PDLIM5: variants seen among roughly 807,000 people sequenced by gnomAD.
PDLIM5 encodes PDZ and LIM domain 5, also known as PDZ and LIM domain protein 5.
A neutral mutation model predicts 64.2 loss-of-function variants in PDLIM5; 34 were observed. That is an observed-to-expected ratio of 0.53 (90% CI 0.40 to 0.71). PDLIM5 has a LOEUF of 0.71. Ranked by LOEUF, PDLIM5 falls within the 30% of genes least tolerant of loss-of-function variation. PDLIM5 has a pLI of 0.00. For missense variants in PDLIM5, 683 were observed against 733.6 expected (o/e 0.93, Z 0.80); for synonymous variants, 253 against 269.1 (o/e 0.94, Z 0.59).
At chr4:94,479,892 C>T (rs1220335605) in intron 2 of PDLIM5, among the ~76,000 whole-genome samples, 1 of 152,044 alleles carries the variant, frequency 6.6e-6, no homozygotes, top group Non-Finnish European at 1.5e-5. Context: ...GTCTAATTTT[C>T]AAGGTTCTGT....
chr4:94,473,703 C>T (rs1234147565), intron 2 of PDLIM5, among the ~76,000 whole-genome samples: 3 of 152,262 alleles, frequency 2.0e-5, no homozygotes, highest in Admixed American at 2.0e-4. Flanking sequence ...TTTTGGTAAG[C>T]AGTAAATATT....
At chr4:94,504,196 A>G (rs533982363) in intron 2 of PDLIM5, among the ~76,000 whole-genome samples, 40 of 152,316 alleles carry the variant, frequency 2.6e-4, no homozygotes, top group Admixed American at 2.6e-4. Context: ...ATTTCATTTT[A>G]TAGCATTTTC....
intron 5 of PDLIM5, chr4:94,585,066 T>A (rs565863827): frequency 1.2e-6 from 1 of 806,488 alleles, no homozygotes; most frequent in East Asian, 2.8e-5. Context: ...AAGTGCAGTT[T>A]TTTACTTATA....
intron 4 of PDLIM5, among the ~76,000 whole-genome samples, chr4:94,574,613 G>A (rs1735094424): frequency 6.6e-6 from 1 of 152,036 alleles, no homozygotes; most frequent in South Asian, 2.1e-4. Flanking sequence ...GATATGGTAG[G>A]GTGGAATAGG....
chr4:94,497,977 A>G (rs1040362166), intron 2 of PDLIM5, among the ~76,000 whole-genome samples: 4 of 132,496 alleles, frequency 3.0e-5, no homozygotes, highest in African/African-American at 9.8e-5. Context: ...GAGAGGAAAA[A>G]CTACACTGTT....
chr4:94,524,446 G>T (rs1560676670), intron 3 of PDLIM5, among the ~76,000 whole-genome samples: 1 of 151,182 alleles, frequency 6.6e-6, no homozygotes, highest in Non-Finnish European at 1.5e-5. Context: ...TCTCAATGGA[G>T]TGCAGGCTAA....
At chr4:94,602,637 G>A (rs1227502444) in intron 7 of PDLIM5, among the ~76,000 whole-genome samples, 1 of 151,956 alleles carries the variant, frequency 6.6e-6, no homozygotes, top group African/African-American at 2.4e-5. Context: ...ATTTTTTTTA[G>A]TAGAGACGGA....
intron 8 of PDLIM5, among the ~76,000 whole-genome samples, chr4:94,632,071 A>G (rs1740199098): frequency 6.6e-6 from 1 of 152,260 alleles, no homozygotes; most frequent in African/African-American, 2.4e-5. Flanking sequence ...CTGCCGCATT[A>G]CAGGCTCTTA....
chr4:94,579,428 C>T (rs1735556513), intron 5 of PDLIM5: 1 of 514,018 alleles, frequency 1.9e-6, no homozygotes, highest in Non-Finnish European at 3.4e-6. Flanking sequence ...TTTCTTCTAA[C>T]AGCTCCTGTG....
chr4:94,622,710 G>T (rs111754795), intron 8 of PDLIM5, among the ~76,000 whole-genome samples: 1 of 143,820 alleles, frequency 7.0e-6, no homozygotes, highest in Non-Finnish European at 1.5e-5. Context: ...TCACTCTGTC[G>T]CCCAGGCTGG....
intron 7 of PDLIM5, among the ~76,000 whole-genome samples, chr4:94,616,206 A>G (rs900006359): frequency 7.9e-5 from 12 of 152,204 alleles, no homozygotes; most frequent in Non-Finnish European, 1.5e-5. Flanking sequence ...TCAAATCCGC[A>G]AGGGTAATTT....
intron 2 of PDLIM5, among the ~76,000 whole-genome samples, chr4:94,510,132 G>T (rs1197944435): frequency 6.6e-6 from 1 of 152,200 alleles, no homozygotes; most frequent in African/African-American, 2.4e-5. Context: ...CCAGTGGAAA[G>T]AAGATTCTTG....
At chr4:94,640,766 T>C (rs1387555360) in intron 9 of PDLIM5, among the ~76,000 whole-genome samples, 1 of 152,112 alleles carries the variant, frequency 6.6e-6, no homozygotes, top group Non-Finnish European at 1.5e-5. Context: ...AAAGGGACCC[T>C]GAAAGTCATT....
intron 8 of PDLIM5, among the ~76,000 whole-genome samples, chr4:94,623,175 T>C (rs150423425): frequency 0.013 from 499 of 39,584 alleles, 1 homozygote; most frequent in Non-Finnish European, 0.014. Context: ...TGCTTGAAAA[T>C]GTTTGGGGCT....
At chr4:94,646,137 T>C (rs973189636) in intron 9 of PDLIM5, among the ~76,000 whole-genome samples, 4 of 152,198 alleles carry the variant, frequency 2.6e-5, no homozygotes, top group African/African-American at 7.2e-5. Context: ...AGACATGCTC[T>C]TTTTTCTTAA....
In PDLIM5 at chr4:94,523,770, A is replaced by G; in HGVS notation, c.143A>G (p.Asp48Gly). The G allele has an allele frequency of 6.2e-7, 1 of 1,613,118 alleles. No homozygotes were observed. The stretch of plus-strand genomic sequence containing the variant: ...GCCCAGGCAAATGTAAGAATAGGCG[A>G]TGTGGTTCTCAGCATTGATGGAATA... The part of the protein sequence containing the change: ...KAAQANVRIG[D>G]VVLSIDGINA... The change falls in exon 3 of 13, where the codon GAT (aspartate) becomes GGT (glycine). Residue 48 changes from aspartate to glycine, a missense_variant. Coordinates refer to ENST00000317968, the MANE Select transcript of PDLIM5 (RefSeq NM_006457.5).
At chr4:94,562,547 A>G (rs1733937453) in intron 3 of PDLIM5, among the ~76,000 whole-genome samples, 1 of 152,198 alleles carries the variant, frequency 6.6e-6, no homozygotes. Context: ...GAGAATAAGC[A>G]TTTAGGAACT....
intron 2 of PDLIM5, among the ~76,000 whole-genome samples, chr4:94,480,214 T>G (rs1293026944): frequency 6.6e-6 from 1 of 152,252 alleles, no homozygotes; most frequent in Non-Finnish European, 1.5e-5. Flanking sequence ...TCAATTTTCT[T>G]AATTTTTTCT....
chr4:94,489,110 A>C (rs1042735646), intron 2 of PDLIM5: 2 of 152,198 alleles, frequency 1.3e-5, no homozygotes, highest in Non-Finnish European at 2.9e-5. Flanking sequence ...GTAGCCCTGG[A>C]AGATTTGGCA....
Sources: allele counts gnomAD v4.1 joint callset (sites outside exome capture counted in the v4.1 genomes callset), GRCh38; gene constraint gnomAD v4.1.1; transcripts MANE v1.5; gene names NCBI Gene and HGNC (gene_info 2026-07-23, HGNC 2026-07-21).